CADM2: variants seen among roughly 807,000 people sequenced by gnomAD.
CADM2 encodes cell adhesion molecule 2, also known as immunoglobulin superfamily member 4D.
Under a neutral mutation model 49.8 loss-of-function variants are expected in CADM2, and 12 were observed. The observed-to-expected ratio is 0.24, with a 90% confidence interval of 0.15 to 0.39. CADM2 has a LOEUF of 0.39. CADM2 is among the 10% of genes least tolerant of loss of function. The pLI is 1.00. For synonymous variants in CADM2, 214 were observed against 175.4 expected (o/e 1.22, Z -1.74); for missense variants, 378 against 492.3 (o/e 0.77, Z 2.20).
intron 1 of CADM2, among the ~76,000 whole-genome samples, chr3:85,490,468 T>G (rs2107645565): frequency 6.6e-6 from 1 of 152,198 alleles, no homozygotes; most frequent in Non-Finnish European, 1.5e-5. Context: ...CCTATAATAC[T>G]AGCAATTTGG....
At chr3:86,020,688 C>T in intron 8 of CADM2, among the ~76,000 whole-genome samples, 1 of 151,976 alleles carries the variant, frequency 6.6e-6, no homozygotes, top group East Asian at 1.9e-4. Context: ...TCAATATACG[C>T]AAATCAATAA....
chr3:85,988,254 T>C (rs1728356725), intron 8 of CADM2, among the ~76,000 whole-genome samples: 1 of 152,226 alleles, frequency 6.6e-6, no homozygotes, highest in South Asian at 2.1e-4. Flanking sequence ...CTTATTTCTC[T>C]AGACTTCAAA....
chr3:85,812,044 G>T (rs2108131130), intron 3 of CADM2, among the ~76,000 whole-genome samples: 1 of 152,016 alleles, frequency 6.6e-6, no homozygotes, highest in Non-Finnish European at 1.5e-5. Context: ...GCTATGCCCT[G>T]GGAATTATGC....
chr3:86,045,046 C>CTCTG, intron 8 of CADM2, among the ~76,000 whole-genome samples: 1 of 119,000 alleles, frequency 8.4e-6, no homozygotes, highest in Non-Finnish European at 1.7e-5. Flanking sequence ...ACATAACACA[C>CTCTG]GGGCCTGTCG....
intron 1 of CADM2, among the ~76,000 whole-genome samples, chr3:85,189,030 CA>C: frequency 6.9e-6 from 1 of 145,736 alleles, no homozygotes; most frequent in East Asian, 2.0e-4. Context: ...GACTCCGTCT[CA>C]AAAAAATAAT....
At chr3:85,131,104 A>G (rs2039214073) in intron 1 of CADM2, among the ~76,000 whole-genome samples, 1 of 152,110 alleles carries the variant, frequency 6.6e-6, no homozygotes, top group African/African-American at 2.4e-5. Context: ...ACTTGAACCC[A>G]GGAGGTAGAG....
intron 1 of CADM2, among the ~76,000 whole-genome samples, chr3:85,639,669 T>C (rs1256795816): frequency 6.6e-6 from 1 of 152,140 alleles, no homozygotes; most frequent in Admixed American, 6.6e-5. Context: ...TATTAGTAAC[T>C]TGGATTGAAC....
Position 85,242,334 on chromosome 3 carries a change from A to C in CADM2, c.61+282666A>C, listed in dbSNP as rs192578330. On this transcript the variant is annotated intron_variant, in intron 1 of 9. Coordinates refer to ENST00000383699, the MANE Select transcript of CADM2 (RefSeq NM_001167675.2). ...CATGTTTTTGAAGGGGTGAAAAAAAACAGTATTACCATATAAACTTACTTT... is the reference window on the plus strand; with the variant it reads ...CATGTTTTTGAAGGGGTGAAAAAAACCAGTATTACCATATAAACTTACTTT... 7.9e-5 allele frequency among the ~76,000 whole-genome samples: 12 copies of C among 151,474 alleles called. No individual in the cohort carries two copies. The East Asian group carries it at 1.6e-3, about 20-fold the overall frequency.
At chr3:85,952,691 T>G (rs935721211) in intron 7 of CADM2, among the ~76,000 whole-genome samples, 10 of 151,166 alleles carry the variant, frequency 6.6e-5, no homozygotes, top group African/African-American at 2.4e-4. Context: ...TATCTCTTCC[T>G]TAACACCATA....
intron 3 of CADM2, among the ~76,000 whole-genome samples, chr3:85,869,746 C>T (rs1014857615): frequency 2.0e-5 from 3 of 152,172 alleles, no homozygotes; most frequent in Non-Finnish European, 4.4e-5. Flanking sequence ...GCAAGCTCTG[C>T]ATCCTGGGTT....
intron 1 of CADM2, among the ~76,000 whole-genome samples, chr3:85,025,366 A>G (rs934456916): frequency 1.3e-5 from 2 of 152,152 alleles, no homozygotes; most frequent in Admixed American, 6.6e-5. Flanking sequence ...AAGCTTGGGT[A>G]TACACTTTAT....
rs183357191 is a variant in CADM2, at chr3:85,869,760, G to A, written c.239-13531G>A. Among the ~76,000 whole-genome samples the A allele has an allele frequency of 3.1e-3, 468 of 152,220 alleles. 3 individuals are homozygous for A. The highest frequency in any genetic ancestry group is 0.01 in the Middle Eastern group (3 of 294). On this transcript the variant is annotated intron_variant, in intron 3 of 9. Transcript: ENST00000383699. ...GGCAAGCTCTGCATCCTGGGTTCAC[G>A]CCATTCTCTTCCCTCAGCCTCCCAA...
At chr3:85,713,228 G>A (rs1273965461) in intron 1 of CADM2, among the ~76,000 whole-genome samples, 2 of 152,138 alleles carry the variant, frequency 1.3e-5, no homozygotes, top group Non-Finnish European at 2.9e-5. Context: ...CTCCCAAGTA[G>A]CTGGGATTAC....
In CADM2 at chr3:85,860,965, AG is replaced by A. The variant is rs557544909; in HGVS notation, c.239-22325del. ...ATCAAGGCCAATGTGTCTGAAGCAGAGTGAGCTAGGGGGACAGCAGTGTGAC... is the reference window on the plus strand; with the variant it reads ...ATCAAGGCCAATGTGTCTGAAGCAGATGAGCTAGGGGGACAGCAGTGTGAC... On this transcript the variant is annotated intron_variant, in intron 3 of 9. Transcript: ENST00000383699. 1.4e-3 allele frequency among the ~76,000 whole-genome samples: 213 copies of A among 152,312 alleles called. 2 individuals carry two copies. The highest frequency in any genetic ancestry group is 2.0e-3 in the Admixed American group (30 of 15,300).
At chr3:85,113,210 C>T (rs2038523048) in intron 1 of CADM2, among the ~76,000 whole-genome samples, 1 of 152,130 alleles carries the variant, frequency 6.6e-6, no homozygotes, top group Non-Finnish European at 1.5e-5. Context: ...ATCAATCTCT[C>T]ATTTTACTGA....
At chr3:85,191,882 T>A (rs999677598) in intron 1 of CADM2, among the ~76,000 whole-genome samples, 2 of 151,898 alleles carry the variant, frequency 1.3e-5, no homozygotes, top group African/African-American at 4.8e-5. Flanking sequence ...GGCTTCCACA[T>A]GTAGGGTCAG....
Position 85,789,735 on chromosome 3 carries a change from A to G in CADM2, c.89-12312A>G, listed in dbSNP as rs193281881. 2.1e-3 allele frequency among the ~76,000 whole-genome samples: 323 copies of G among 152,272 alleles called. 1 individual carries two copies. The highest frequency in any genetic ancestry group is 7.6e-3 in the African/African-American group (315 of 41,568). The stretch of plus-strand genomic sequence containing the variant: ...AATATGGATAAATTAATAAAAACAA[A>G]ATATATTTTAAAGTCTTCATTACAA... On this transcript the variant is annotated intron_variant, in intron 2 of 9. Transcript: ENST00000383699.
chr3:85,247,957 A>G (rs1380881464), intron 1 of CADM2, among the ~76,000 whole-genome samples: 2 of 152,172 alleles, frequency 1.3e-5, no homozygotes, highest in Non-Finnish European at 2.9e-5. Flanking sequence ...CATTAGAATT[A>G]TTAAATTCAA....
At chr3:85,284,937 A>C (rs2043594876) in intron 1 of CADM2, among the ~76,000 whole-genome samples, 1 of 152,102 alleles carries the variant, frequency 6.6e-6, no homozygotes, top group Admixed American at 6.6e-5. Flanking sequence ...AAAAAAAGCA[A>C]GCAGATCGAT....
Sources: gnomAD v4.1 joint callset for allele counts (sites outside exome capture counted in the v4.1 genomes callset) on GRCh38, gnomAD v4.1.1 for gene constraint, MANE v1.5 for transcripts, NCBI Gene and HGNC (gene_info 2026-07-23, HGNC 2026-07-21) for gene names.